Variants in CTIF observed in about 807,000 individuals in gnomAD.
The protein encoded by CTIF is CBP80/20-dependent translation initiation factor.
CTIF carries 21 observed loss-of-function variants against 66.0 expected under a neutral mutation model. The ratio of observed to expected loss-of-function variants is 0.32; its 90% CI spans 0.23 to 0.46. The LOEUF (loss-of-function observed/expected upper bound fraction) is 0.46, where lower values mean the gene tolerates loss of function less well. CTIF is among the 20% of genes least tolerant of loss of function. The pLI is 1.00. For synonymous variants in CTIF, 345 were observed against 326.4 expected, an observed-to-expected ratio of 1.06 and a Z score of -0.62; for missense variants, 739 against 812.7, an observed-to-expected ratio of 0.91 and a Z score of 1.10.
At chr18:48,701,466 C>T (rs755628986) in intron 6 of CTIF, among the ~76,000 whole-genome samples, 15 of 151,958 alleles carry the variant, frequency 9.9e-5, no homozygotes, top group Admixed American at 5.2e-4. Flanking sequence ...GGAGAAGGCC[C>T]GTAGCCTTTT....
chr18:48,613,847 G>A (rs562059691), intron 1 of CTIF, among the ~76,000 whole-genome samples: 7 of 152,278 alleles, frequency 4.6e-5, no homozygotes, highest in South Asian at 2.1e-4. Flanking sequence ...CCAGAAAGCC[G>A]TGCCCACACC....
chr18:48,845,877 A>G (rs979711483), intron 10 of CTIF, among the ~76,000 whole-genome samples: 2 of 152,016 alleles, frequency 1.3e-5, no homozygotes, highest in South Asian at 4.2e-4. Flanking sequence ...GCCTCTTAAC[A>G]TATTCTGCCT....
At chr18:48,608,819 G>C (rs1329095664) in intron 1 of CTIF, among the ~76,000 whole-genome samples, 1 of 152,168 alleles carries the variant, frequency 6.6e-6, no homozygotes, top group African/African-American at 2.4e-5. Context: ...TCAGGGAGCT[G>C]TTGCCAAGAG....
At chr18:48,539,963 G>A (rs2088566554) in intron 1 of CTIF, 1 of 152,128 alleles carries the variant, frequency 6.6e-6, no homozygotes, top group Admixed American at 6.5e-5. Context: ...TGTGGCAGCG[G>A]GCGTGTGTGA....
At chr18:48,781,672 C>G (rs1313758594) in intron 9 of CTIF, among the ~76,000 whole-genome samples, 1 of 152,074 alleles carries the variant, frequency 6.6e-6, no homozygotes, top group African/African-American at 2.4e-5. Context: ...CCCTCTCCTC[C>G]CCTTGTCTTG....
chr18:48,550,805 C>T (rs967304480), intron 1 of CTIF, among the ~76,000 whole-genome samples: 1 of 152,088 alleles, frequency 6.6e-6, no homozygotes, highest in African/African-American at 2.4e-5. Context: ...GCCACAGGGT[C>T]CATGCTTCAT....
chr18:48,746,206 G>T (rs1415051230), intron 7 of CTIF, among the ~76,000 whole-genome samples: 1 of 152,140 alleles, frequency 6.6e-6, no homozygotes, highest in Non-Finnish European at 1.5e-5. Flanking sequence ...GCTGGACAAG[G>T]TTTATCATCA....
At chr18:48,543,596 A>G (rs2088676713) in intron 1 of CTIF, among the ~76,000 whole-genome samples, 1 of 152,146 alleles carries the variant, frequency 6.6e-6, no homozygotes, top group African/African-American at 2.4e-5. Context: ...GTGAGAACAG[A>G]CACATCCTTG....
chr18:48,708,515 C>T (rs1210807088), intron 6 of CTIF, among the ~76,000 whole-genome samples: 2 of 152,152 alleles, frequency 1.3e-5, no homozygotes, highest in East Asian at 1.9e-4. Flanking sequence ...ATGTAAAAGG[C>T]CCCAGGGAAG....
chr18:48,635,194 A>G (rs1026054234), intron 2 of CTIF, among the ~76,000 whole-genome samples: 1 of 152,198 alleles, frequency 6.6e-6, no homozygotes, highest in African/African-American at 2.4e-5. Flanking sequence ...TCAGGAGGGC[A>G]TGTCCAGCCA....
At chr18:48,653,996 A>C (rs990964807) in intron 3 of CTIF, among the ~76,000 whole-genome samples, 8 of 152,204 alleles carry the variant, frequency 5.3e-5, no homozygotes, top group East Asian at 1.9e-4. Flanking sequence ...TAAAGACTTA[A>C]ATGTTAGACC....
intron 9 of CTIF, among the ~76,000 whole-genome samples, chr18:48,791,386 C>CT (rs2067789012): frequency 6.6e-6 from 1 of 152,198 alleles, no homozygotes. Context: ...TTCCTTCCTT[C>CT]TTTAAGAGAA....
intron 1 of CTIF, among the ~76,000 whole-genome samples, chr18:48,543,802 G>A (rs531032337): frequency 6.6e-6 from 1 of 152,260 alleles, no homozygotes; most frequent in East Asian, 1.9e-4. Context: ...AAAAAGTTAG[G>A]TTCTTCCCAA....
chr18:48,824,962 A>T (rs2068554310), intron 10 of CTIF, among the ~76,000 whole-genome samples: 1 of 151,984 alleles, frequency 6.6e-6, no homozygotes, highest in South Asian at 2.1e-4. Context: ...ATTTTCAACA[A>T]AGTTCCATGC....
intron 1 of CTIF, among the ~76,000 whole-genome samples, chr18:48,575,478 T>C (rs533159235): frequency 2.6e-5 from 4 of 152,380 alleles, no homozygotes; most frequent in Admixed American, 2.6e-4. Context: ...CGATTTTCTT[T>C]TGCCTTCAGG....
intron 7 of CTIF, among the ~76,000 whole-genome samples, chr18:48,737,329 T>A (rs1283243567): frequency 6.6e-6 from 1 of 152,192 alleles, no homozygotes; most frequent in African/African-American, 2.4e-5. Context: ...CTGGTGCTGC[T>A]CCCAGCATCT....
intron 6 of CTIF, among the ~76,000 whole-genome samples, chr18:48,706,069 G>A (rs2092149789): frequency 6.6e-6 from 1 of 152,150 alleles, no homozygotes; most frequent in Non-Finnish European, 1.5e-5. Flanking sequence ...ATGGATGGGG[G>A]CATGGGTAGG....
At chr18:48,741,374 T>C (rs1434743626) in intron 7 of CTIF, among the ~76,000 whole-genome samples, 1 of 146,756 alleles carries the variant, frequency 6.8e-6, no homozygotes, top group Non-Finnish European at 1.5e-5. Context: ...TCCTGCCAGC[T>C]CTGCCAGCAC....
intron 3 of CTIF, among the ~76,000 whole-genome samples, chr18:48,642,537 T>TG (rs1192963571): frequency 1.3e-5 from 2 of 152,088 alleles, no homozygotes; most frequent in African/African-American, 2.4e-5. Context: ...GTTACTCAAG[T>TG]GGGGGGCTGA....
Sources: allele counts gnomAD v4.1 joint callset (sites outside exome capture counted in the v4.1 genomes callset), GRCh38; gene constraint gnomAD v4.1.1; transcripts MANE v1.5; gene names NCBI Gene and HGNC (gene_info 2026-07-23, HGNC 2026-07-21).